The following DNAH7 variants were observed in gnomAD, a reference collection of about 807,000 sequenced individuals.
The protein encoded by DNAH7 is axonemal beta dynein heavy chain 7.
DNAH7 carries 397 observed loss-of-function variants against 444.6 expected under a neutral mutation model. The observed-to-expected ratio is 0.89, with a 90% CI of 0.82 to 0.97. The LOEUF (loss-of-function observed/expected upper bound fraction) is 0.97. DNAH7 is among the 50% of genes least tolerant of loss of function. The pLI is 0.00. For synonymous variants in DNAH7, 1,636 were observed against 1,624.4 expected (o/e 1.01, Z -0.17); for missense variants, 4,902 against 4,800.8 (o/e 1.02, Z -0.62).
At chr2:196,035,956 T>C (rs932900715) in intron 5 of DNAH7, among the ~76,000 whole-genome samples, 3 of 151,916 alleles carry the variant, frequency 2.0e-5, no homozygotes, top group Non-Finnish European at 2.9e-5. Flanking sequence ...CACTGCACCA[T>C]TTTGAGAGCA....
chr2:195,925,392 AT>A (rs2125365370), intron 22 of DNAH7, among the ~76,000 whole-genome samples: 1 of 152,274 alleles, frequency 6.6e-6, no homozygotes, highest in East Asian at 1.9e-4. Context: ...GACAAAATGA[AT>A]TCTCTGGACT....
intron 49 of DNAH7, 149 bp from the exon 50 acceptor site, chr2:195,817,978 C>T (rs1276240900): frequency 2.2e-5 from 12 of 536,812 alleles, no homozygotes; most frequent in East Asian, 9.4e-5. Flanking sequence ...CTATGATTAA[C>T]GACATAGGCA....
At chr2:195,980,817 A>C (rs1176252221) in intron 15 of DNAH7, among the ~76,000 whole-genome samples, 1 of 123,896 alleles carries the variant, frequency 8.1e-6, no homozygotes, top group African/African-American at 3.2e-5. Flanking sequence ...CTTCATGATA[A>C]AAAAAAAAAC....
intron 12 of DNAH7, among the ~76,000 whole-genome samples, chr2:195,999,932 C>T (rs950925386): frequency 6.6e-6 from 1 of 151,990 alleles, no homozygotes. Context: ...AGAACAAAAG[C>T]TCAAAACTTC....
chr2:195,754,193 A>G, intron 63 of DNAH7, 144 bp downstream of exon 63: 1 of 823,154 alleles, frequency 1.2e-6, no homozygotes, highest in Non-Finnish European at 1.8e-6. Context: ...TGCTCTCTGT[A>G]TCTCAATAAT....
intron 53 of DNAH7, among the ~76,000 whole-genome samples, chr2:195,807,359 T>C (rs1437976836): frequency 1.3e-5 from 2 of 152,110 alleles, no homozygotes; most frequent in East Asian, 1.9e-4. Context: ...GGTTTCACCA[T>C]GTTGGCCAGG....
At position 195,960,439 on chromosome 2, in the gene DNAH7, C is replaced by T. The variant is rs554616778; in HGVS notation, c.2712G>A (p.Ala904=). 29 of 1,614,194 alleles carry T rather than the reference C, an allele frequency of 1.8e-5. No individual in the cohort carries two copies. The highest frequency in any genetic ancestry group is 2.2e-5 in the East Asian group (1 of 44,888). ...AASKEYSLEK[A]MEKMITEWDA... ...CCCACTCAGTAATCATCTTCTCCAT[C>T]GCCTTTTCAAGAGAATATTCTTTGC... Residue 904 remains alanine (A), a synonymous_variant, in exon 18 of 65, where the codon GCG becomes GCA. Transcript: ENST00000312428.
At chr2:195,938,385 C>CACAA (rs1689201194) in intron 19 of DNAH7, among the ~76,000 whole-genome samples, 1 of 148,712 alleles carries the variant, frequency 6.7e-6, no homozygotes, top group African/African-American at 2.5e-5. Flanking sequence ...CACACACAAA[C>CACAA]ACACACAGCA....
At chr2:195,934,915 A>G in intron 20 of DNAH7, 126 bp from the exon 21 acceptor site, 1 of 980,716 alleles carries the variant, frequency 1.0e-6, no homozygotes, top group Non-Finnish European at 1.5e-6. Context: ...CAAAAACCGG[A>G]AACCCCCAAA....
At chr2:195,840,408 A>C (rs1698614470) in intron 47 of DNAH7, among the ~76,000 whole-genome samples, 1 of 151,766 alleles carries the variant, frequency 6.6e-6, no homozygotes, top group African/African-American at 2.4e-5. Context: ...CACATGTGAT[A>C]GTAAAAAACT....
chr2:196,021,854 C>T (rs1258539771), intron 8 of DNAH7, among the ~76,000 whole-genome samples: 1 of 151,978 alleles, frequency 6.6e-6, no homozygotes, highest in Non-Finnish European at 1.5e-5. Context: ...AATCCAGGTG[C>T]AGTGGCTCAC....
At chr2:195,881,579 C>T (rs2220339) in intron 36 of DNAH7, among the ~76,000 whole-genome samples, 24,352 of 151,938 alleles carry the variant, frequency 0.16, 2,437 homozygotes, top group African/African-American at 0.28. Flanking sequence ...AAAATGGCAA[C>T]GTATCATTAA....
At chr2:195,833,724 T>A (rs1698184163) in intron 48 of DNAH7, among the ~76,000 whole-genome samples, 1 of 152,262 alleles carries the variant, frequency 6.6e-6, no homozygotes, top group African/African-American at 2.4e-5. Context: ...ACCAGGCACA[T>A]AAAATCTGTA....
intron 32 of DNAH7, among the ~76,000 whole-genome samples, 171 bp downstream of exon 32, chr2:195,888,628 A>C (rs1251067816): frequency 6.7e-6 from 1 of 149,594 alleles, no homozygotes; most frequent in African/African-American, 2.4e-5. Flanking sequence ...CATCCTGACC[A>C]CTAAATTAGT....
intron 60 of DNAH7, among the ~76,000 whole-genome samples, chr2:195,774,896 T>C (rs1694995311): frequency 6.6e-6 from 1 of 152,218 alleles, no homozygotes; most frequent in Non-Finnish European, 1.5e-5. Context: ...TCTTCCTTAA[T>C]TCATCAAAAT....
intron 49 of DNAH7, among the ~76,000 whole-genome samples, chr2:195,818,254 T>C (rs1308317987): frequency 6.6e-6 from 1 of 152,202 alleles, no homozygotes; most frequent in Admixed American, 6.5e-5. Flanking sequence ...ATTCTAGTGG[T>C]GTCAAAAGTA....
At chr2:195,906,453 CTTTTTT>C (rs397870111) in intron 27 of DNAH7, among the ~76,000 whole-genome samples, 200 bp downstream of exon 27, 1 of 114,720 alleles carries the variant, frequency 8.7e-6, no homozygotes, top group African/African-American at 3.3e-5. Flanking sequence ...TTCTTTCTTT[CTTTTTT>C]TTTTTTTTTT....
chr2:195,775,565 G>T (rs1695021073), intron 60 of DNAH7, among the ~76,000 whole-genome samples: 1 of 151,140 alleles, frequency 6.6e-6, no homozygotes, highest in Non-Finnish European at 1.5e-5. Flanking sequence ...ATGTATTTAG[G>T]TAGGGCAAGA....
intron 41 of DNAH7, among the ~76,000 whole-genome samples, chr2:195,862,760 T>C (rs1478269065): frequency 1.3e-5 from 2 of 152,110 alleles, no homozygotes; most frequent in Non-Finnish European, 2.9e-5. Flanking sequence ...TGGTCCCTTA[T>C]TTAAAAAGTA....
Sources: allele counts gnomAD v4.1 joint callset (sites outside exome capture counted in the v4.1 genomes callset), GRCh38; gene constraint gnomAD v4.1.1; transcripts MANE v1.5; gene names NCBI Gene and HGNC (gene_info 2026-07-23, HGNC 2026-07-21).